The following CDH12 variants were observed in gnomAD, a reference collection of about 807,000 sequenced individuals.
CDH12 encodes the protein cadherin 12.
CDH12 carries 41 observed loss-of-function variants against 74.1 expected under a neutral mutation model. The ratio of observed to expected loss-of-function variants is 0.55; its 90% CI spans 0.43 to 0.72. CDH12 has a LOEUF of 0.72. CDH12 is among the 30% of genes least tolerant of loss of function. The pLI, the probability that CDH12 is intolerant of heterozygous loss-of-function variation, is 0.00. For synonymous variants in CDH12, 399 were observed against 355.0 expected (o/e 1.12, Z -1.39); for missense variants, 945 against 977.2 (o/e 0.97, Z 0.44).
intron 11 of CDH12, chr5:21,779,406 A>T (rs1409868853): frequency 6.6e-6 from 1 of 152,100 alleles, no homozygotes; most frequent in Non-Finnish European, 1.5e-5. Flanking sequence ...GTAACACAAA[A>T]ATCCTAGAAA....
chr5:21,971,345 A>G (rs1170876289), intron 6 of CDH12, among the ~76,000 whole-genome samples: 1 of 152,058 alleles, frequency 6.6e-6, no homozygotes, highest in Non-Finnish European at 1.5e-5. Context: ...AAGTTTTCAC[A>G]TTAAAAAAAA....
At chr5:22,261,968 T>C (rs947783079) in intron 3 of CDH12, among the ~76,000 whole-genome samples, 3 of 152,066 alleles carry the variant, frequency 2.0e-5, no homozygotes, top group Non-Finnish European at 4.4e-5. Context: ...GAAACTGTCA[T>C]GTTACAACTT....
chr5:22,073,062 A>C (rs1421813683), intron 5 of CDH12, among the ~76,000 whole-genome samples: 1 of 152,100 alleles, frequency 6.6e-6, no homozygotes, highest in Non-Finnish European at 1.5e-5. Flanking sequence ...AAAGCAATTA[A>C]AATTGTGCCC....
intron 1 of CDH12, among the ~76,000 whole-genome samples, chr5:22,601,715 T>C (rs1433162833): frequency 2.0e-5 from 3 of 152,060 alleles, no homozygotes; most frequent in Non-Finnish European, 4.4e-5. Context: ...GCGATGTTAC[T>C]CCATTTTACA....
rs1736568398 is a variant in CDH12, at chr5:22,595,689, C to T, written c.-522-90325G>A. Among the ~76,000 whole-genome samples the T allele has an allele frequency of 2.0e-5, 3 of 152,196 alleles. No homozygotes were observed. In the South Asian group the frequency reaches 6.2e-4, roughly 32 times the overall value. ...TGGTTGTAGTTATTGTAACAGTAGT[C>T]TTCATCTTCAATATCCACCACTACA... On this transcript the variant is annotated intron_variant, in intron 1 of 14. Transcript: ENST00000382254.
chr5:21,814,781 TTA>T (rs1330093414), intron 9 of CDH12, among the ~76,000 whole-genome samples: 6 of 151,250 alleles, frequency 4.0e-5, no homozygotes, highest in African/African-American at 1.2e-4. Flanking sequence ...AAAATATTTT[TTA>T]TATTATTAAT....
intron 1 of CDH12, among the ~76,000 whole-genome samples, chr5:22,552,013 A>C (rs1738596860): frequency 6.6e-6 from 1 of 152,280 alleles, no homozygotes; most frequent in African/African-American, 2.4e-5. Flanking sequence ...TTTAAATGTA[A>C]GTAATATACC....
chr5:21,927,414 T>C (rs2150077499), intron 6 of CDH12, among the ~76,000 whole-genome samples: 1 of 113,004 alleles, frequency 8.8e-6, no homozygotes, highest in Non-Finnish European at 1.9e-5. Context: ...TAAAACCCTG[T>C]CTCTACTAAA....
At chr5:22,126,396 A>G (rs906323710) in intron 4 of CDH12, among the ~76,000 whole-genome samples, 3 of 152,158 alleles carry the variant, frequency 2.0e-5, no homozygotes, top group Non-Finnish European at 4.4e-5. Context: ...AGAAAAAACT[A>G]CTGCCTGCAT....
chr5:22,611,563 GTAGCCTT>G (rs1356276602), intron 1 of CDH12, among the ~76,000 whole-genome samples: 3 of 152,100 alleles, frequency 2.0e-5, no homozygotes, highest in African/African-American at 7.2e-5. Flanking sequence ...TGATGTTAGA[GTAGCCTT>G]TAGCCTGTCT....
intron 1 of CDH12, among the ~76,000 whole-genome samples, chr5:22,844,837 A>G (rs1056791894): frequency 6.6e-6 from 1 of 152,158 alleles, no homozygotes; most frequent in East Asian, 1.9e-4. Flanking sequence ...CCTTCTGAAG[A>G]GAGCTACTGA....
chr5:22,350,351 A>G (rs1740307971), intron 3 of CDH12, among the ~76,000 whole-genome samples: 1 of 152,200 alleles, frequency 6.6e-6, no homozygotes, highest in Admixed American at 6.5e-5. Flanking sequence ...ACATATAATT[A>G]GTTCATTATT....
intron 1 of CDH12, among the ~76,000 whole-genome samples, chr5:22,607,463 G>A (rs1355725165): frequency 6.6e-6 from 1 of 152,196 alleles, no homozygotes; most frequent in Non-Finnish European, 1.5e-5. Flanking sequence ...GCAGCAGCAA[G>A]AGAAAATGAG....
chr5:22,820,660 T>C lies in CDH12; in HGVS notation c.-523+32398A>G, dbSNP rs370409374. On this transcript the variant is annotated intron_variant, in intron 1 of 14. Transcript: ENST00000382254. ...AGAAATGGATAAATTCCTCGACACA[T>C]ACATCCTCCCAAGACTAAACCAGGA... 2.4e-4 allele frequency among the ~76,000 whole-genome samples: 36 copies of C among 152,208 alleles called. No homozygotes were observed. The East Asian group carries it at 6.9e-3, about 29-fold the overall frequency.
rs186222833 is a variant in CDH12 at position 22,685,216 on chromosome 5, T to C, written c.-523+167842A>G. On this transcript the variant is annotated intron_variant, in intron 1 of 14. Coordinates refer to ENST00000382254, the MANE Select transcript of CDH12 (RefSeq NM_004061.5). ...ATTCCTATAATCCAATTTTAGACTA[T>C]TTCGTCACCTCAACCCATATTCATA... Among the ~76,000 whole-genome samples, 44 of 152,250 alleles carry C rather than the reference T, an allele frequency of 2.9e-4. No homozygotes were observed. The East Asian group carries it at 4.8e-3, about 17-fold the overall frequency.
chr5:22,647,336 C>T, intron 1 of CDH12, among the ~76,000 whole-genome samples: 1 of 151,860 alleles, frequency 6.6e-6, no homozygotes, highest in East Asian at 1.9e-4. Context: ...AATTCTATAA[C>T]ACTTTCCAGC....
chr5:22,301,725 G>T (rs898245777), intron 3 of CDH12, among the ~76,000 whole-genome samples: 40 of 150,512 alleles, frequency 2.7e-4, no homozygotes, highest in Admixed American at 1.4e-3. Context: ...TCCATCCCAC[G>T]GGTTCAAGAG....
intron 1 of CDH12, among the ~76,000 whole-genome samples, chr5:22,705,251 T>C (rs1005474507): frequency 1.3e-5 from 2 of 151,578 alleles, no homozygotes; most frequent in Non-Finnish European, 2.9e-5. Flanking sequence ...GGAATTGAGA[T>C]GCAGAGAGCT....
At chr5:22,647,991 G>C (rs1371989656) in intron 1 of CDH12, among the ~76,000 whole-genome samples, 1 of 151,678 alleles carries the variant, frequency 6.6e-6, no homozygotes, top group African/African-American at 2.4e-5. Context: ...TTATTAATCA[G>C]CTTTTGGAAC....
Sources: gnomAD v4.1 joint callset for allele counts (sites outside exome capture counted in the v4.1 genomes callset) on GRCh38, gnomAD v4.1.1 for gene constraint, MANE v1.5 for transcripts, NCBI Gene and HGNC (gene_info 2026-07-23, HGNC 2026-07-21) for gene names.